The following RGL1 variants were observed in gnomAD, a reference collection of about 807,000 sequenced individuals.
RGL1 encodes ral guanine nucleotide dissociation stimulator-like 1.
A neutral mutation model predicts 95.2 loss-of-function variants in RGL1; 24 were observed. The observed-to-expected ratio is 0.25, with a 90% CI of 0.18 to 0.35. RGL1 has a LOEUF of 0.35. Among genes scored for constraint, RGL1 ranks in the 10% least tolerant of loss-of-function variants. RGL1 has a pLI of 1.00. For synonymous variants in RGL1, 329 were observed against 344.9 expected, an observed-to-expected ratio of 0.95 and a Z score of 0.51; for missense variants, 715 against 936.3, an observed-to-expected ratio of 0.76 and a Z score of 3.08.
intron 1 of RGL1, among the ~76,000 whole-genome samples, chr1:183,713,258 T>G (rs1655399222): frequency 1.3e-5 from 2 of 151,650 alleles, no homozygotes; most frequent in African/African-American, 2.4e-5. Flanking sequence ...ACTCCTGACC[T>G]CAGGTGATCC....
At chr1:183,908,340 C>T (rs1388962128) in intron 14 of RGL1, among the ~76,000 whole-genome samples, 1 of 152,138 alleles carries the variant, frequency 6.6e-6, no homozygotes, top group Non-Finnish European at 1.5e-5. Context: ...GCAAGGTCTC[C>T]CACCATCAGC....
At chr1:183,655,862 T>G (rs141532519) in intron 1 of RGL1, among the ~76,000 whole-genome samples, 10 of 152,328 alleles carry the variant, frequency 6.6e-5, no homozygotes, top group Admixed American at 5.2e-4. Flanking sequence ...AGGCAGCATC[T>G]TTACTTCCAG....
At chr1:183,763,222 C>T (rs1361752469) in intron 2 of RGL1, among the ~76,000 whole-genome samples, 1 of 152,116 alleles carries the variant, frequency 6.6e-6, no homozygotes, top group African/African-American at 2.4e-5. Context: ...GGGAACATCA[C>T]ACACTGGGAC....
chr1:183,651,674 T>C lies in RGL1; in HGVS notation c.-33+15173T>C, dbSNP rs551094370. On this transcript the variant is annotated intron_variant, in intron 1 of 18. Coordinates refer to the RGL1 transcript ENST00000304685. The stretch of plus-strand genomic sequence containing the variant: ...CCTAGCCTCTGCTGTGTCATCTTAA[T>C]CCATAGGATTGGACATTAGCTTTGT... Among the ~76,000 whole-genome samples, 16 of 152,374 alleles carry C rather than the reference T, an allele frequency of 1.1e-4. No homozygotes were observed. In the South Asian group the frequency reaches 3.3e-3, roughly 32 times the overall value.
intron 2 of RGL1, among the ~76,000 whole-genome samples, chr1:183,779,231 C>G (rs961332303): frequency 6.8e-5 from 10 of 147,456 alleles, no homozygotes; most frequent in Admixed American, 5.5e-4. Context: ...TTCCTTCCCT[C>G]CCTCCCACCT....
At chr1:183,847,493 A>G in intron 2 of RGL1, 73 bp from the exon 3 acceptor site, 1 of 1,247,946 alleles carries the variant, frequency 8.0e-7, no homozygotes, top group East Asian at 2.3e-5. Context: ...TATGGCCTTC[A>G]ACTATTTCAA....
intron 1 of RGL1, among the ~76,000 whole-genome samples, chr1:183,675,980 T>C (rs774929415): frequency 7.9e-5 from 12 of 152,106 alleles, no homozygotes; most frequent in African/African-American, 1.2e-4. Context: ...CACAGGTCTC[T>C]ACAGAATAAT....
intron 1 of RGL1, among the ~76,000 whole-genome samples, chr1:183,677,725 G>A (rs1652926916): frequency 6.6e-6 from 1 of 152,192 alleles, no homozygotes; most frequent in African/African-American, 2.4e-5. Flanking sequence ...CAAATTAGGG[G>A]TGTTGTGAAC....
At chr1:183,865,956 C>T (rs755188520) in intron 3 of RGL1, 40 bp from the exon 4 acceptor site, 1 of 1,435,034 alleles carries the variant, frequency 7.0e-7, no homozygotes, top group Admixed American at 1.7e-5. Flanking sequence ...TCCAACACCA[C>T]TGACTGTTTT....
At position 183,805,143 on chromosome 1, in the gene RGL1, C is replaced by A; in HGVS notation, c.-155C>A. ...TTGTGGCCCGAGTCGCGCGCACCGG[C>A]GGCGGCGGGGGCAGCGCGGCGCGTG... On this transcript the variant is annotated 5_prime_UTR_variant, in exon 1 of 18. Transcript: ENST00000360851. 1 of 1,003,734 alleles carries A rather than the reference C, an allele frequency of 1.0e-6. No individual in the cohort carries two copies. Among genetic ancestry groups the A allele is most frequent in the Non-Finnish European group, 1.3e-6 (1 of 764,898 alleles). The allele number at this position is 1,003,734 out of a possible 1,614,324, so 62.2% of individuals were successfully genotyped here.
At chr1:183,778,900 T>G (rs902039398) in intron 2 of RGL1, among the ~76,000 whole-genome samples, 1 of 152,176 alleles carries the variant, frequency 6.6e-6, no homozygotes, top group Non-Finnish European at 1.5e-5. Context: ...TGGGCCGTGA[T>G]AGGTGGAGCA....
chr1:183,758,219 C>T (rs1037324372), intron 2 of RGL1, among the ~76,000 whole-genome samples: 1 of 143,986 alleles, frequency 6.9e-6, no homozygotes, highest in Admixed American at 7.0e-5. Context: ...TTTTTTGAGA[C>T]GGAGTCTCGC....
intron 2 of RGL1, among the ~76,000 whole-genome samples, chr1:183,845,730 G>A (rs764223718): frequency 1.2e-4 from 18 of 152,172 alleles, no homozygotes; most frequent in Non-Finnish European, 1.8e-4. Context: ...AAGAAAGTCA[G>A]ATCATGATTC....
At chr1:183,639,602 T>G (rs531431494) in intron 1 of RGL1, among the ~76,000 whole-genome samples, 60 of 152,120 alleles carry the variant, frequency 3.9e-4, no homozygotes, top group Non-Finnish European at 6.9e-4. Context: ...TTTTCTTTGT[T>G]TCAAGTTTTT....
rs1271038741 is a variant in RGL1, at chr1:183,897,970, C to T, written c.1230+73C>T. ...CGTGTGCGTCTGGGCTCCCACATGG[C>T]ACTGGCACCTTCAGTCAACAGGGCA... On this transcript the variant is annotated intron_variant, in intron 10 of 17. Coordinates refer to ENST00000360851, the MANE Select transcript of RGL1 (RefSeq NM_001297671.3). 2.4e-6 allele frequency: 3 copies of T among 1,250,284 alleles called. No individual in the cohort carries two copies. In the East Asian group the frequency reaches 7.0e-5, roughly 29 times the overall value. The allele number at this position is 1,250,284 out of a possible 1,614,324, so 77.4% of individuals were successfully genotyped here.
chr1:183,770,644 A>T (rs1659226927), intron 2 of RGL1, among the ~76,000 whole-genome samples: 1 of 152,120 alleles, frequency 6.6e-6, no homozygotes, highest in Non-Finnish European at 1.5e-5. Flanking sequence ...GGAAAACAGG[A>T]ATTAGGGAGG....
At chr1:183,905,645 A>G (rs547322108) in intron 13 of RGL1, among the ~76,000 whole-genome samples, 5 of 152,240 alleles carry the variant, frequency 3.3e-5, no homozygotes, top group African/African-American at 1.2e-4. Flanking sequence ...GGACACAAAG[A>G]ACAGTTTAAA....
chr1:183,804,016 T>C (rs984983040), upstream of RGL1, among the ~76,000 whole-genome samples: 9 of 152,212 alleles, frequency 5.9e-5, no homozygotes, highest in Middle Eastern at 3.2e-3. Context: ...GCTGAATGAC[T>C]TGTAGATGTT....
chr1:183,691,203 A>T (rs942789829), intron 1 of RGL1, among the ~76,000 whole-genome samples: 1 of 152,242 alleles, frequency 6.6e-6, no homozygotes, highest in Non-Finnish European at 1.5e-5. Flanking sequence ...AATGAACATG[A>T]CTTGGTTATT....
Sources: gnomAD v4.1 joint callset for allele counts (sites outside exome capture counted in the v4.1 genomes callset) on GRCh38, gnomAD v4.1.1 for gene constraint, MANE v1.5 for transcripts, NCBI Gene and HGNC (gene_info 2026-07-23, HGNC 2026-07-21) for gene names.